Variants in CDH13 observed in about 807,000 individuals in gnomAD.
CDH13 encodes cadherin-13.
In CDH13, 24 loss-of-function variants were observed where a neutral mutation model predicts 63.8. The observed-to-expected ratio is 0.38, with a 90% CI of 0.27 to 0.53. The LOEUF (loss-of-function observed/expected upper bound fraction) is 0.53. Among genes scored for constraint, CDH13 ranks in the 20% least tolerant of loss-of-function variants. The probability of loss-of-function intolerance (pLI) is 0.85; values close to 1 mark genes in which losing one functional copy is unlikely to be tolerated. For missense variants in CDH13, 1,049 were observed against 903.1 expected (o/e 1.16, Z -2.07); for synonymous variants, 503 against 355.3 (o/e 1.42, Z -4.67).
Position 83,159,396 on chromosome 16 carries a change from A to G in CDH13, c.483+33895A>G, listed in dbSNP as rs140886252. Among the ~76,000 whole-genome samples the G allele has an allele frequency of 3.5e-4, 54 of 152,300 alleles. 1 individual carries two copies. In the Middle Eastern group the frequency reaches 0.01, roughly 29 times the overall value. On this transcript the variant is annotated intron_variant, in intron 4 of 13. Coordinates refer to ENST00000567109, the MANE Select transcript of CDH13 (RefSeq NM_001257.5). ...TATTTTAGTCAAATCACATTTCCAT[A>G]TTGCAAAAATATTTTCTAAACAATT...
intron 6 of CDH13, among the ~76,000 whole-genome samples, chr16:83,483,332 A>C (rs1156240595): frequency 6.6e-6 from 1 of 152,208 alleles, no homozygotes; most frequent in Admixed American, 6.5e-5. Flanking sequence ...CATTAAAATA[A>C]AAACCATTTT....
intron 6 of CDH13, among the ~76,000 whole-genome samples, chr16:83,383,753 A>G (rs1277919453): frequency 6.6e-6 from 1 of 152,072 alleles, no homozygotes; most frequent in Non-Finnish European, 1.5e-5. Context: ...TTCTTATACA[A>G]TGAGATATTC....
chr16:83,428,298 A>G (rs2071978703), intron 6 of CDH13, among the ~76,000 whole-genome samples: 1 of 152,186 alleles, frequency 6.6e-6, no homozygotes, highest in Non-Finnish European at 1.5e-5. Context: ...AGCTCAAGAA[A>G]TATGTTTTTT....
intron 5 of CDH13, among the ~76,000 whole-genome samples, chr16:83,305,897 G>A (rs975976525): frequency 1.4e-4 from 21 of 152,136 alleles, no homozygotes; most frequent in African/African-American, 4.8e-4. Flanking sequence ...TACAACATAG[G>A]AATAATGACA....
chr16:82,894,882 G>C (rs2041200881), intron 2 of CDH13, among the ~76,000 whole-genome samples: 1 of 152,170 alleles, frequency 6.6e-6, no homozygotes, highest in South Asian at 2.1e-4. Context: ...TGGTGAGTCT[G>C]AGAAATGCCA....
chr16:82,916,587 A>G (rs1340772510), intron 2 of CDH13, among the ~76,000 whole-genome samples: 1 of 152,124 alleles, frequency 6.6e-6, no homozygotes, highest in East Asian at 1.9e-4. Flanking sequence ...AAAAAAATAA[A>G]TAAATAAAGT....
At chr16:83,220,697 A>G (rs2039672482) in intron 5 of CDH13, among the ~76,000 whole-genome samples, 1 of 151,478 alleles carries the variant, frequency 6.6e-6, no homozygotes, top group African/African-American at 2.4e-5. Context: ...GAGAGCCTGC[A>G]GGTGAATGTG....
intron 5 of CDH13, among the ~76,000 whole-genome samples, chr16:83,300,744 C>A (rs1210356606): frequency 1.3e-5 from 2 of 152,258 alleles, no homozygotes; most frequent in Non-Finnish European, 2.9e-5. Context: ...GGTTATAGAT[C>A]ATGATTTATG....
chr16:82,906,146 C>G (rs527431220), intron 2 of CDH13, among the ~76,000 whole-genome samples: 1 of 152,324 alleles, frequency 6.6e-6, no homozygotes, highest in South Asian at 2.1e-4. Flanking sequence ...GAAAGAGAAT[C>G]TCTGACACTA....
chr16:82,927,817 C>T (rs1168286830), intron 2 of CDH13, among the ~76,000 whole-genome samples: 3 of 152,180 alleles, frequency 2.0e-5, no homozygotes, highest in African/African-American at 7.2e-5. Context: ...CAACAATGTA[C>T]TTATTGAGTG....
At chr16:83,571,738 C>A (rs927254485) in intron 7 of CDH13, among the ~76,000 whole-genome samples, 1 of 152,196 alleles carries the variant, frequency 6.6e-6, no homozygotes, top group African/African-American at 2.4e-5. Flanking sequence ...CTCAATTACT[C>A]CCTCTCTTGT....
At chr16:83,224,752 T>C (rs541675642) in intron 5 of CDH13, among the ~76,000 whole-genome samples, 1 of 152,288 alleles carries the variant, frequency 6.6e-6, no homozygotes, top group Admixed American at 6.5e-5. Context: ...TCAGCCTCTG[T>C]TTTCTCATTT....
intron 3 of CDH13, among the ~76,000 whole-genome samples, chr16:83,085,777 T>C (rs73598173): frequency 9.8e-5 from 15 of 152,346 alleles, no homozygotes; most frequent in African/African-American, 3.6e-4. Flanking sequence ...CGTTATTTTC[T>C]TGCTGACAGA....
chr16:82,649,242 A>C (rs1280412314), intron 1 of CDH13, among the ~76,000 whole-genome samples: 1 of 152,216 alleles, frequency 6.6e-6, no homozygotes, highest in Non-Finnish European at 1.5e-5. Flanking sequence ...ACAGGGTCCA[A>C]ACTCAGATTA....
chr16:82,848,175 C>T (rs1010867340), intron 1 of CDH13, among the ~76,000 whole-genome samples: 2 of 152,204 alleles, frequency 1.3e-5, no homozygotes, highest in African/African-American at 4.8e-5. Context: ...TGGCAAGCTT[C>T]AGCTGGTGAG....
At chr16:83,128,314 G>A (rs150097694) in intron 4 of CDH13, among the ~76,000 whole-genome samples, 3 of 152,150 alleles carry the variant, frequency 2.0e-5, no homozygotes, top group African/African-American at 4.8e-5. Context: ...CATTAGCATC[G>A]CCTGGGAGCT....
chr16:83,259,779 C>T (rs964323539), intron 5 of CDH13, among the ~76,000 whole-genome samples: 1 of 152,070 alleles, frequency 6.6e-6, no homozygotes, highest in African/African-American at 2.4e-5. Flanking sequence ...AGCCTTCTAG[C>T]CCTGAGGCAA....
At chr16:83,111,294 T>A (rs7196746) in intron 3 of CDH13, among the ~76,000 whole-genome samples, 72,899 of 152,016 alleles carry the variant, frequency 0.48, 18,030 homozygotes, top group Middle Eastern at 0.6. Context: ...CATTGGATAG[T>A]GCCATGATAG....
chr16:83,219,391 A>G (rs919993721), intron 5 of CDH13, among the ~76,000 whole-genome samples: 1 of 152,182 alleles, frequency 6.6e-6, no homozygotes, highest in African/African-American at 2.4e-5. Context: ...GCTGCATTCA[A>G]ATCATGGCTA....
Sources: gnomAD v4.1 joint callset for allele counts (sites outside exome capture counted in the v4.1 genomes callset) on GRCh38, gnomAD v4.1.1 for gene constraint, MANE v1.5 for transcripts, NCBI Gene and HGNC (gene_info 2026-07-23, HGNC 2026-07-21) for gene names.